The following KLHL3 variants were observed in gnomAD, a reference collection of about 807,000 sequenced individuals.
KLHL3 encodes kelch-like protein 3.
In KLHL3, 19 loss-of-function variants were observed where a neutral mutation model predicts 70.5. The observed-to-expected ratio is 0.27, with a 90% CI of 0.19 to 0.40. KLHL3 has a LOEUF of 0.40. Ranked by LOEUF, KLHL3 falls within the 10% of genes least tolerant of loss-of-function variation. The pLI, the probability that KLHL3 is intolerant of heterozygous loss-of-function variation, is 1.00. For synonymous variants in KLHL3, 258 were observed against 290.3 expected, an observed-to-expected ratio of 0.89 and a Z score of 1.13; for missense variants, 512 against 771.1, an observed-to-expected ratio of 0.66 and a Z score of 3.98.
chr5:137,691,722 T>C (rs1318473271), intron 5 of KLHL3, among the ~76,000 whole-genome samples: 2 of 151,834 alleles, frequency 1.3e-5, no homozygotes, highest in Non-Finnish European at 2.9e-5. Flanking sequence ...ACCATTCTCC[T>C]GCCTCAGCCT....
chr5:137,645,382 G>T (rs911618413), intron 8 of KLHL3, among the ~76,000 whole-genome samples: 5 of 152,048 alleles, frequency 3.3e-5, no homozygotes, highest in Non-Finnish European at 7.4e-5. Context: ...TGCTTGCAGA[G>T]AATATGATCT....
intron 8 of KLHL3, among the ~76,000 whole-genome samples, chr5:137,640,699 AC>A (rs1368148107): frequency 6.6e-6 from 1 of 150,724 alleles, no homozygotes; most frequent in African/African-American, 2.4e-5. Flanking sequence ...AGAGACTGAA[AC>A]CCAAGTCTAC....
chr5:137,628,747 A>T, intron 12 of KLHL3: 1 of 180,394 alleles, frequency 5.5e-6, no homozygotes. Context: ...ACATACATAC[A>T]TACATACATA....
chr5:137,665,827 T>A (rs1367756626), intron 6 of KLHL3, among the ~76,000 whole-genome samples: 1 of 151,394 alleles, frequency 6.6e-6, no homozygotes, highest in Non-Finnish European at 1.5e-5. Context: ...AGGCTGGACA[T>A]AACTTGAATT....
At chr5:137,683,737 TTC>T (rs377097204) in intron 5 of KLHL3, among the ~76,000 whole-genome samples, 82 of 140,114 alleles carry the variant, frequency 5.9e-4, no homozygotes, top group Non-Finnish European at 6.6e-4. Flanking sequence ...CTCCCTCTCT[TTC>T]TCTCTCTCTC....
intron 5 of KLHL3, among the ~76,000 whole-genome samples, chr5:137,679,553 C>G (rs2149908661): frequency 6.6e-6 from 1 of 152,280 alleles, no homozygotes; most frequent in African/African-American, 2.4e-5. Flanking sequence ...TTCCTTAGAG[C>G]TCGTAAGACT....
intron 6 of KLHL3, among the ~76,000 whole-genome samples, chr5:137,665,852 A>G (rs1329912850): frequency 6.6e-6 from 1 of 152,168 alleles, no homozygotes; most frequent in Non-Finnish European, 1.5e-5. Context: ...AAGGAAAGGA[A>G]AGGGAAGGGG....
At chr5:137,690,508 G>C (rs986342030) in intron 5 of KLHL3, among the ~76,000 whole-genome samples, 2 of 152,160 alleles carry the variant, frequency 1.3e-5, no homozygotes, top group Admixed American at 1.3e-4. Context: ...CGGCAGAGAA[G>C]CAGAAGGGTC....
Position 137,734,634 on chromosome 5 carries a change from C to G in KLHL3, c.14+999G>C, listed in dbSNP as rs150305470. On this transcript the variant is annotated intron_variant, in intron 1 of 14. Transcript: ENST00000309755. ...CCTATTATTGTTAACCAGATGGTTA[C>G]TGTCTGCATCAAACTGGCAATCTGG... Among the ~76,000 whole-genome samples, 1,210 of 152,324 alleles carry G rather than the reference C, an allele frequency of 7.9e-3. 19 individuals are homozygous for G. The highest frequency in any genetic ancestry group is 0.027 in the African/African-American group (1,141 of 41,576).
At chr5:137,723,731 T>C (rs1035686701) in intron 1 of KLHL3, among the ~76,000 whole-genome samples, 1 of 152,216 alleles carries the variant, frequency 6.6e-6, no homozygotes, top group Non-Finnish European at 1.5e-5. Flanking sequence ...TGAAAAAAGT[T>C]TGCACTGGCT....
intron 8 of KLHL3, among the ~76,000 whole-genome samples, chr5:137,650,207 C>G (rs1751165877): frequency 6.6e-6 from 1 of 152,198 alleles, no homozygotes; most frequent in South Asian, 2.1e-4. Context: ...CTGCAGTCAC[C>G]TGAACCAGTT....
rs1756292826 is a variant in KLHL3, at chr5:137,618,634, G to T, written c.*3464C>A. 1 of 152,092 alleles carries T rather than the reference G, an allele frequency of 6.6e-6. No individual in the cohort carries two copies. Among genetic ancestry groups the T allele is most frequent in the African/African-American group, 2.4e-5 (1 of 41,402 alleles). The allele number at this position is 152,092 out of a possible 1,614,324, so 9.4% of individuals were successfully genotyped here. Reference sequence around the variant, plus strand: ...GTCGGCTGGACCTAGGACACTATGGGAGTATGTGCTGGGGGGGCAGGCCTT... The same window carrying T: ...GTCGGCTGGACCTAGGACACTATGGTAGTATGTGCTGGGGGGGCAGGCCTT... On this transcript the variant is annotated 3_prime_UTR_variant, in exon 15 of 15. Coordinates refer to ENST00000309755, the MANE Select transcript of KLHL3 (RefSeq NM_017415.3).
intron 4 of KLHL3, 58 bp from the exon 5 acceptor site, chr5:137,692,505 C>T (rs977538984): frequency 2.7e-5 from 41 of 1,533,114 alleles, no homozygotes; most frequent in Non-Finnish European, 3.4e-5. Context: ...ACTCATCTGC[C>T]TTTTCCTATC....
rs1367184898 is a variant in KLHL3 at position 137,625,830 on chromosome 5, G to A, written c.1658C>T (p.Ser553Leu). Reference sequence around the variant, plus strand: ...AGTGACAGGATTGTAGTACTCCACCGAAGCCAAGTTGCAGGATCCATCATC... The same window carrying A: ...AGTGACAGGATTGTAGTACTCCACCAAAGCCAAGTTGCAGGATCCATCATC... ...GGDDGSCNLA[S>L]VEYYNPVTDK... The change falls in exon 14 of 15, where the codon TCG becomes TTG. Residue 553 changes from serine (S) to leucine (L), a missense_variant. Transcript: ENST00000309755. 6.8e-6 allele frequency: 11 copies of A among 1,614,130 alleles called. No homozygotes were observed. Among genetic ancestry groups the A allele is most frequent in the East Asian group, 2.2e-5 (1 of 44,878 alleles).
At chr5:137,635,621 T>G (rs1414656523) in intron 11 of KLHL3, among the ~76,000 whole-genome samples, 2 of 152,132 alleles carry the variant, frequency 1.3e-5, no homozygotes, top group African/African-American at 4.8e-5. Context: ...TGTGGAGAGC[T>G]GTCTCTTCAA....
intron 2 of KLHL3, among the ~76,000 whole-genome samples, chr5:137,714,892 G>C (rs75976487): frequency 6.6e-6 from 1 of 152,162 alleles, no homozygotes; most frequent in Non-Finnish European, 1.5e-5. Flanking sequence ...CAAAAAAAAA[G>C]ATGAGAGCAG....
intron 3 of KLHL3, among the ~76,000 whole-genome samples, chr5:137,704,133 C>T (rs972839036): frequency 2.0e-5 from 3 of 152,294 alleles, no homozygotes; most frequent in Middle Eastern, 3.4e-3. Context: ...AGCCTGTAAT[C>T]CCAGCACTTT....
chr5:137,632,926 C>A (rs1340741484), intron 12 of KLHL3, among the ~76,000 whole-genome samples: 1 of 152,070 alleles, frequency 6.6e-6, no homozygotes, highest in Non-Finnish European at 1.5e-5. Flanking sequence ...ACATCGTAAT[C>A]ATCAGAAAAA....
rs1312692147 is a variant in KLHL3, at chr5:137,629,767, TCTAA to T, written c.1451-1334_1451-1331del. The T allele has an allele frequency of 3.9e-5, 6 of 152,256 alleles. No homozygotes were observed. In the East Asian group the frequency reaches 7.7e-4, roughly 19 times the overall value. The allele number at this position is 152,256 out of a possible 1,614,324, so 9.4% of individuals were successfully genotyped here. A position where few individuals can be genotyped will look rare whatever the true frequency, so the allele number is the denominator to read the frequency against. On this transcript the variant is annotated intron_variant, in intron 12 of 14. Coordinates refer to ENST00000309755, the MANE Select transcript of KLHL3 (RefSeq NM_017415.3). ...TGCTGTTGTACCAACAATGGCTCTC[TCTAA>T]CTGACAGGTTTAATAAAATTTGTTG...
Sources: gnomAD v4.1 joint callset for allele counts (sites outside exome capture counted in the v4.1 genomes callset) on GRCh38, gnomAD v4.1.1 for gene constraint, MANE v1.5 for transcripts, NCBI Gene and HGNC (gene_info 2026-07-23, HGNC 2026-07-21) for gene names.